Variants in FRS2 observed in about 807,000 individuals in gnomAD.
The protein encoded by FRS2 is FGFR signalling adaptor.
Under a neutral mutation model 43.9 loss-of-function variants are expected in FRS2, and 8 were observed. The ratio of observed to expected loss-of-function variants is 0.18; its 90% CI spans 0.11 to 0.33. The LOEUF (loss-of-function observed/expected upper bound fraction) is 0.33, where lower values mean the gene tolerates loss of function less well. FRS2 is among the 10% of genes least tolerant of loss of function. The pLI, the probability that FRS2 is intolerant of heterozygous loss-of-function variation, is 1.00. For missense variants in FRS2, 534 were observed against 627.6 expected (o/e 0.85, Z 1.59); for synonymous variants, 219 against 220.3 (o/e 0.99, Z 0.05).
At chr12:69,521,702 C>A (rs1052926379) in intron 1 of FRS2, among the ~76,000 whole-genome samples, 4 of 152,114 alleles carry the variant, frequency 2.6e-5, no homozygotes, top group Admixed American at 6.5e-5. Flanking sequence ...GCAAGCTCTG[C>A]CTCCCGGGTT....
At chr12:69,475,159 G>T (rs912242955) in intron 1 of FRS2, among the ~76,000 whole-genome samples, 1 of 152,228 alleles carries the variant, frequency 6.6e-6, no homozygotes, top group African/African-American at 2.4e-5. Flanking sequence ...ATGTGTAAAA[G>T]ATTATAATAG....
chr12:69,506,880 A>G (rs1873987230), intron 1 of FRS2, among the ~76,000 whole-genome samples: 2 of 152,200 alleles, frequency 1.3e-5, no homozygotes, highest in Non-Finnish European at 2.9e-5. Flanking sequence ...GCCCTCATGA[A>G]TAGATTAATA....
At chr12:69,547,041 G>T (rs535552822) in intron 3 of FRS2, among the ~76,000 whole-genome samples, 35 of 152,304 alleles carry the variant, frequency 2.3e-4, no homozygotes, top group African/African-American at 7.9e-4. Context: ...CCTTAAAAAG[G>T]AAGGAAATTC....
At chr12:69,558,113 G>A (rs1265089568) in intron 3 of FRS2, among the ~76,000 whole-genome samples, 1 of 152,076 alleles carries the variant, frequency 6.6e-6, no homozygotes, top group Non-Finnish European at 1.5e-5. Flanking sequence ...TGAGATATGG[G>A]GTTAAAGTGT....
At position 69,538,197 on chromosome 12, in the gene FRS2, T is replaced by TATATATATATATA. The variant is rs1555189565; in HGVS notation, c.-122+6141_-122+6142insATATATATATATA. On this transcript the variant is annotated intron_variant, in intron 3 of 8. Transcript: ENST00000549921. ...AATAATAAAATTAAAAAAACAAATT[T>TATATATATATATA]TATATATATATATATATATATATAT... Among the ~76,000 whole-genome samples, 48 of 81,612 alleles carry TATATATATATATA rather than the reference T, an allele frequency of 5.9e-4. 2 individuals are homozygous for TATATATATATATA. Among genetic ancestry groups the TATATATATATATA allele is most frequent in the African/African-American group, 1.7e-3 (31 of 18,138 alleles). The allele number at this position is 81,612 out of a possible 152,430, so 53.5% of individuals were successfully genotyped here.
chr12:69,529,834 C>T (rs495110), intron 1 of FRS2, among the ~76,000 whole-genome samples: 14,219 of 151,698 alleles, frequency 0.094, 877 homozygotes, highest in Non-Finnish European at 0.14. Context: ...CTGAGGCGGG[C>T]GGATCACCTG....
intron 3 of FRS2, among the ~76,000 whole-genome samples, chr12:69,548,144 C>T (rs1327086555): frequency 1.3e-5 from 2 of 152,186 alleles, no homozygotes; most frequent in African/African-American, 4.8e-5. Context: ...TAAGCCACTG[C>T]ACCAAGCTCC....
chr12:69,544,084 C>T (rs1330935436), intron 3 of FRS2, among the ~76,000 whole-genome samples: 11 of 16,308 alleles, frequency 6.7e-4, no homozygotes, highest in East Asian at 1.4e-3. Context: ...TGGGCAGGGT[C>T]GGGGGGGTGG....
chr12:69,475,731 T>TA (rs1870703582), intron 1 of FRS2, among the ~76,000 whole-genome samples: 1 of 152,150 alleles, frequency 6.6e-6, no homozygotes, highest in African/African-American at 2.4e-5. Flanking sequence ...GTTTGGGCAT[T>TA]ACGTATCATC....
At chr12:69,527,343 ATTTTTTTT>A (rs1166365306) in intron 1 of FRS2, among the ~76,000 whole-genome samples, 3 of 84,216 alleles carry the variant, frequency 3.6e-5, no homozygotes, top group Admixed American at 1.7e-4. Flanking sequence ...TTTTTTAATG[ATTTTTTTT>A]TTTTTTTTTT....
At chr12:69,507,654 T>G (rs1220182163) in intron 1 of FRS2, among the ~76,000 whole-genome samples, 1 of 152,098 alleles carries the variant, frequency 6.6e-6, no homozygotes, top group Non-Finnish European at 1.5e-5. Flanking sequence ...CTGGATGAGG[T>G]TCTTGGTTTT....
rs774367608 is a variant in FRS2 at position 69,574,775 on chromosome 12, C to A, written c.1347C>A (p.Asn449Lys). 2 of 1,614,116 alleles carry A rather than the reference C, an allele frequency of 1.2e-6. No individual in the cohort carries two copies. The highest frequency in any genetic ancestry group is 2.2e-5 in the South Asian group (2 of 91,080). ...VDLEGGSDSDNPQTPKTPTTP... is the reference protein window; with the variant it reads ...VDLEGGSDSDKPQTPKTPTTP... ...TGGAAGGTGGCAGTGACTCTGACAA[C>A]CCTCAGACTCCAAAAACGCCTACAA... Residue 449 changes from asparagine to lysine, a missense_variant, in exon 9 of 9, where the codon AAC becomes AAA. Around this residue, in one of 3 missense-constraint regions of FRS2, gnomAD observed 446 missense variants for 494.2 expected, o/e 0.90. Coordinates refer to ENST00000549921, the MANE Select transcript of FRS2 (RefSeq NM_001278356.2).
chr12:69,541,246 A>G (rs1335164527), intron 3 of FRS2, among the ~76,000 whole-genome samples: 1 of 152,230 alleles, frequency 6.6e-6, no homozygotes, highest in Non-Finnish European at 1.5e-5. Context: ...CAGTTCTTAC[A>G]AACAGGCCCA....
intron 1 of FRS2, among the ~76,000 whole-genome samples, chr12:69,529,217 C>T (rs916591955): frequency 1.3e-5 from 2 of 152,138 alleles, no homozygotes; most frequent in Non-Finnish European, 2.9e-5. Context: ...AATGTGTATG[C>T]AAAATATTGT....
At chr12:69,567,129 T>C (rs1880369373) in intron 4 of FRS2, among the ~76,000 whole-genome samples, 1 of 152,136 alleles carries the variant, frequency 6.6e-6, no homozygotes, top group African/African-American at 2.4e-5. Context: ...CATATCCTAA[T>C]ATAAGGTTTA....
chr12:69,552,031 C>T (rs1201395604), intron 3 of FRS2, among the ~76,000 whole-genome samples: 1 of 151,876 alleles, frequency 6.6e-6, no homozygotes, highest in Non-Finnish European at 1.5e-5. Flanking sequence ...TCTGGCCGGG[C>T]ACGGTGGCTC....
chr12:69,490,330 G>A (rs946639862), intron 1 of FRS2, among the ~76,000 whole-genome samples: 1 of 151,844 alleles, frequency 6.6e-6, no homozygotes, highest in African/African-American at 2.4e-5. Context: ...TACATTTCTT[G>A]AGTTTTAATG....
intron 1 of FRS2, among the ~76,000 whole-genome samples, chr12:69,485,080 AAAAC>A (rs1871711586): frequency 3.6e-5 from 1 of 27,684 alleles, no homozygotes; most frequent in African/African-American, 2.1e-4. Flanking sequence ...ACCTCATCTT[AAAAC>A]ACACACACAC....
intron 1 of FRS2, among the ~76,000 whole-genome samples, chr12:69,504,059 A>G (rs534411250): frequency 2.6e-5 from 4 of 152,300 alleles, no homozygotes; most frequent in African/African-American, 9.6e-5. Flanking sequence ...CAGAATGTTT[A>G]TTGCATGCCT....
Sources: allele counts gnomAD v4.1 joint callset (sites outside exome capture counted in the v4.1 genomes callset), GRCh38; gene constraint gnomAD v4.1.1; regional missense constraint gnomAD v4.1.1; transcripts MANE v1.5; gene names NCBI Gene and HGNC (gene_info 2026-07-23, HGNC 2026-07-21).